Variants in PDIA3 observed in about 807,000 individuals in gnomAD.
PDIA3 encodes protein disulfide isomerase family A member 3, also known as protein disulfide-isomerase A3.
Under a neutral mutation model 56.9 loss-of-function variants are expected in PDIA3, and 16 were observed. The ratio of observed to expected loss-of-function variants is 0.28; its 90% confidence interval spans 0.19 to 0.43. The LOEUF is 0.43. Among genes scored for constraint, PDIA3 ranks in the 20% least tolerant of loss-of-function variants. The pLI is 1.00. For missense variants in PDIA3, 485 were observed against 621.3 expected (o/e 0.78, Z 2.33); for synonymous variants, 192 against 216.5 (o/e 0.89, Z 0.99).
chr15:43,770,445 T>G (rs1345286548), intron 11 of PDIA3, 78 bp from the exon 12 acceptor site: 4 of 1,352,518 alleles, frequency 3.0e-6, no homozygotes, highest in Non-Finnish European at 4.2e-6. Flanking sequence ...GCAGAACCAC[T>G]GATTCCTTCT....
At chr15:43,768,649 CT>C in intron 9 of PDIA3, 52 bp downstream of exon 9, 1 of 1,199,434 alleles carries the variant, frequency 8.3e-7, no homozygotes, top group East Asian at 2.3e-5. Context: ...GTCCTCATTT[CT>C]TTGTTCCAAA....
At chr15:43,764,725 C>T (rs2086837446) in intron 5 of PDIA3, among the ~76,000 whole-genome samples, 1 of 152,116 alleles carries the variant, frequency 6.6e-6, no homozygotes, top group African/African-American at 2.4e-5. Context: ...GCCTCGGGCT[C>T]CCAAAGTGTT....
chr15:43,763,089 A>G lies in PDIA3; in HGVS notation c.485A>G (p.Asp162Gly). 3 of 1,613,600 alleles carry G rather than the reference A, an allele frequency of 1.9e-6. No individual in the cohort carries two copies. Among genetic ancestry groups the G allele is most frequent in the Non-Finnish European group, 2.5e-6 (3 of 1,179,802 alleles). Residue 162 changes from aspartate to glycine, a missense_variant, in exon 5 of 13, where the codon GAT (aspartate) becomes GGT (glycine). Physicochemically the swap from Asp to Gly is moderately conservative, Grantham distance 94. Coordinates refer to ENST00000300289, the MANE Select transcript of PDIA3 (RefSeq NM_005313.5). The part of the protein sequence containing the change: ...KDASIVGFFD[D>G]SFSEAHSEFL... Reference sequence around the variant, plus strand: ...ATTTTCTGTATAGGTTTTTTCGATGATTCATTCAGTGAGGCTCACTCCGAG... The same window carrying G: ...ATTTTCTGTATAGGTTTTTTCGATGGTTCATTCAGTGAGGCTCACTCCGAG...
intron 12 of PDIA3, 66 bp from the exon 13 acceptor site, chr15:43,771,039 G>T (rs1310625800): frequency 4.0e-6 from 4 of 1,003,254 alleles, no homozygotes; most frequent in African/African-American, 3.3e-5. Flanking sequence ...AAGTCTTCCT[G>T]TTTGGGTGGG....
In PDIA3 at chr15:43,756,855, A is replaced by G. The variant is rs1295698411; in HGVS notation, c.364+89A>G. ...ATAAAAATGTGTTTTTCTACACAGTATACTTTCAGTCTTAAAACTTCCTCA... is the reference window on the plus strand; with the variant it reads ...ATAAAAATGTGTTTTTCTACACAGTGTACTTTCAGTCTTAAAACTTCCTCA... On this transcript the variant is annotated intron_variant, in intron 3 of 12. Transcript: ENST00000300289. 10 of 721,650 alleles carry G rather than the reference A, an allele frequency of 1.4e-5. No individual in the cohort carries two copies. In the East Asian group the frequency reaches 2.3e-4, roughly 17 times the overall value. The allele number at this position is 721,650 out of a possible 1,614,324, so 44.7% of individuals were successfully genotyped here.
intron 3 of PDIA3, among the ~76,000 whole-genome samples, chr15:43,760,401 TAAAGA>T (rs1412095423): frequency 3.4e-5 from 5 of 148,984 alleles, no homozygotes; most frequent in African/African-American, 1.0e-4. Context: ...AAAAAAAAAA[TAAAGA>T]AAAGAAAAAA....
Position 43,761,459 on chromosome 15 carries a change from C to G in PDIA3, c.400C>G (p.Pro134Ala), listed in dbSNP as rs1400340075. 3 of 1,606,556 alleles carry G rather than the reference C, an allele frequency of 1.9e-6. No individual in the cohort carries two copies. The highest frequency in any genetic ancestry group is 2.6e-6 in the Non-Finnish European group (3 of 1,174,318). ...CAGCCACTTGAAGAAGCAGGCAGGA[C>G]CAGCTTCAGTGCCTCTCAGGACTGA... is the stretch of plus-strand genomic sequence containing the variant. The part of the protein sequence containing the change: ...IVSHLKKQAG[P>A]ASVPLRTEEE... Residue 134 changes from proline to alanine, a missense_variant, in exon 4 of 13, where the codon CCA (proline) becomes GCA (alanine). Pro to Ala is a conservative substitution (Grantham distance 27, BLOSUM62 -1). Coordinates refer to ENST00000300289, the MANE Select transcript of PDIA3 (RefSeq NM_005313.5).
chr15:43,764,812 T>G (rs1040111668), intron 5 of PDIA3, among the ~76,000 whole-genome samples: 4 of 152,148 alleles, frequency 2.6e-5, no homozygotes, highest in African/African-American at 9.7e-5. Context: ...AACCCCCTTT[T>G]GAGATAATGA....
intron 1 of PDIA3, among the ~76,000 whole-genome samples, chr15:43,750,525 C>A (rs995816162): frequency 1.3e-5 from 2 of 151,822 alleles, no homozygotes; most frequent in Admixed American, 1.3e-4. Flanking sequence ...CCTGTAATCC[C>A]AGCACTTTGG....
At chr15:43,751,712 TAC>T (rs2086745462) in intron 1 of PDIA3, 1 of 1,302,326 alleles carries the variant, frequency 7.7e-7, no homozygotes. Flanking sequence ...CCTTGCAGCT[TAC>T]ACACACACCT....
intron 9 of PDIA3, among the ~76,000 whole-genome samples, chr15:43,769,302 T>C (rs2141657668): frequency 6.6e-6 from 1 of 152,332 alleles, no homozygotes; most frequent in South Asian, 2.1e-4. Flanking sequence ...GTCCTGTAAC[T>C]TCCTGAACAT....
intron 8 of PDIA3, 24 bp downstream of exon 8, chr15:43,766,934 T>C (rs1417103906): frequency 6.2e-7 from 1 of 1,607,086 alleles, no homozygotes; most frequent in Non-Finnish European, 8.5e-7. Flanking sequence ...TGGGCTTTGA[T>C]TCTCCAAGGC....
intron 3 of PDIA3, 53 bp downstream of exon 3, chr15:43,756,819 G>T: frequency 1.0e-6 from 1 of 955,962 alleles, no homozygotes; most frequent in Admixed American, 2.0e-5. Context: ...CTTATTCTTT[G>T]TAGTGGAAAC....
chr15:43,766,133 G>GT lies in PDIA3; in HGVS notation c.845+122dup, dbSNP rs568371626. On this transcript the variant is annotated intron_variant, in intron 7 of 12. Transcript: ENST00000300289. The stretch of plus-strand genomic sequence containing the variant: ...ACAATAAATGGTTCCTTAAGAAGAG[G>GT]TAAAAAAAAAAAAAAAAAAATTAAA... 2,475 of 445,266 alleles carry GT rather than the reference G, an allele frequency of 5.6e-3. 61 individuals carry two copies. The African/African-American group carries it at 0.058, about 10-fold the overall frequency. 27.6% of individuals were successfully genotyped at this position (445,266 alleles called of 1,614,324 possible).
chr15:43,753,131 G>A (rs1046846648), intron 1 of PDIA3, among the ~76,000 whole-genome samples: 3 of 150,174 alleles, frequency 2.0e-5, no homozygotes, highest in African/African-American at 7.4e-5. Context: ...AGGCTGGAGT[G>A]CAGTGGCGCG....
chr15:43,757,369 T>C (rs922595476), intron 3 of PDIA3, among the ~76,000 whole-genome samples: 6 of 150,446 alleles, frequency 4.0e-5, no homozygotes, highest in South Asian at 2.1e-4. Flanking sequence ...CCATCCTGGC[T>C]AACACAGTGA....
intron 4 of PDIA3, among the ~76,000 whole-genome samples, chr15:43,762,063 C>T (rs2086819767): frequency 6.6e-6 from 1 of 152,068 alleles, no homozygotes; most frequent in African/African-American, 2.4e-5. Context: ...TGCAGTATCT[C>T]GTTTTTAAAT....
At chr15:43,754,830 TC>T (rs2086767695) in intron 2 of PDIA3, among the ~76,000 whole-genome samples, 2 of 150,970 alleles carry the variant, frequency 1.3e-5, no homozygotes, top group African/African-American at 4.9e-5. Context: ...CAGGCAGGCT[TC>T]CATAGTCCCA....
intron 1 of PDIA3, chr15:43,751,637 CTT>C (rs1246362093): frequency 1.5e-6 from 2 of 1,304,190 alleles, no homozygotes; most frequent in South Asian, 2.5e-5. Flanking sequence ...CATTGAAACT[CTT>C]TTTGTGGATT....
Sources: gnomAD v4.1 joint callset for allele counts (sites outside exome capture counted in the v4.1 genomes callset) on GRCh38, gnomAD v4.1.1 for gene constraint, MANE v1.5 for transcripts, NCBI Gene and HGNC (gene_info 2026-07-23, HGNC 2026-07-21) for gene names.